Variants in SLC24A2 observed in about 807,000 individuals in gnomAD.
SLC24A2 encodes solute carrier family 24 member 2, also known as sodium/potassium/calcium exchanger 2.
In SLC24A2, 36 loss-of-function variants were observed where a neutral mutation model predicts 62.0. That is an observed-to-expected ratio of 0.58 (90% CI 0.44 to 0.77). The LOEUF is 0.77. Ranked by LOEUF, SLC24A2 falls within the 30% of genes least tolerant of loss-of-function variation. The pLI, the probability that SLC24A2 is intolerant of heterozygous loss-of-function variation, is 0.00. For missense variants in SLC24A2, 846 were observed against 817.9 expected, an observed-to-expected ratio of 1.03 and a Z score of -0.42; for synonymous variants, 358 against 294.0, an observed-to-expected ratio of 1.22 and a Z score of -2.23.
chr9:19,797,593 A>C, the SLC24A2 span, among the ~76,000 whole-genome samples: 1 of 152,214 alleles, frequency 6.6e-6, no homozygotes, highest in African/African-American at 2.4e-5. Flanking sequence ...AATTTCTCTT[A>C]GGCTGATCAA....
intron 2 of SLC24A2, among the ~76,000 whole-genome samples, chr9:19,718,558 G>A (rs1006410466): frequency 4.1e-5 from 6 of 147,918 alleles, no homozygotes; most frequent in Non-Finnish European, 7.4e-5. Context: ...CAATTGGCCC[G>A]CCTTGGCCTC....
chr9:20,278,734 C>A, the SLC24A2 span, among the ~76,000 whole-genome samples: 1 of 152,302 alleles, frequency 6.6e-6, no homozygotes, highest in East Asian at 1.9e-4. Context: ...CTCACATTTT[C>A]CTATCTTCTG....
intron 2 of SLC24A2, among the ~76,000 whole-genome samples, chr9:19,780,367 A>C (rs1408059950): frequency 1.3e-5 from 2 of 150,908 alleles, no homozygotes; most frequent in East Asian, 4.1e-4. Context: ...GCCCGGGTTC[A>C]AGCAATTCTT....
chr9:20,295,020 G>T, the SLC24A2 span, among the ~76,000 whole-genome samples: 1 of 148,430 alleles, frequency 6.7e-6, no homozygotes, highest in Non-Finnish European at 1.5e-5. Context: ...CTGTATCTGT[G>T]CATATGTGTA....
At chr9:20,028,977 C>T in the SLC24A2 span, among the ~76,000 whole-genome samples, 8 of 152,184 alleles carry the variant, frequency 5.3e-5, no homozygotes, top group African/African-American at 1.9e-4. Flanking sequence ...AATCACCAAG[C>T]GACAGTCCTG....
At chr9:20,085,813 A>G in the SLC24A2 span, among the ~76,000 whole-genome samples, 1 of 152,240 alleles carries the variant, frequency 6.6e-6, no homozygotes, top group Non-Finnish European at 1.5e-5. Context: ...ACATCAAACA[A>G]TGCTCATTAG....
chr9:19,744,318 G>A (rs917090968), intron 2 of SLC24A2, among the ~76,000 whole-genome samples: 2 of 152,008 alleles, frequency 1.3e-5, no homozygotes, highest in Non-Finnish European at 2.9e-5. Flanking sequence ...GCCACCTCTC[G>A]CACTGTGTGC....
At chr9:20,024,463 G>C in the SLC24A2 span, among the ~76,000 whole-genome samples, 12 of 152,160 alleles carry the variant, frequency 7.9e-5, no homozygotes, top group African/African-American at 2.9e-4. Context: ...CAGCAAGTAG[G>C]TTACTACCGA....
At chr9:20,299,038 G>A in the SLC24A2 span, among the ~76,000 whole-genome samples, 3 of 152,178 alleles carry the variant, frequency 2.0e-5, no homozygotes, top group Non-Finnish European at 2.9e-5. Context: ...GTCCCATAGA[G>A]TCATTCCCCA....
At chr9:19,723,945 T>A (rs1227088671) in intron 2 of SLC24A2, among the ~76,000 whole-genome samples, 1 of 152,158 alleles carries the variant, frequency 6.6e-6, no homozygotes, top group Non-Finnish European at 1.5e-5. Context: ...TACTATTTTT[T>A]ATTAAAATTT....
chr9:19,727,646 T>A (rs1405331917), intron 2 of SLC24A2, among the ~76,000 whole-genome samples: 1 of 152,230 alleles, frequency 6.6e-6, no homozygotes, highest in East Asian at 1.9e-4. Flanking sequence ...TTTCTCCAAT[T>A]ATTTTTTAGG....
chr9:19,713,766 T>C (rs979628706), intron 2 of SLC24A2, among the ~76,000 whole-genome samples: 2 of 152,184 alleles, frequency 1.3e-5, no homozygotes, highest in African/African-American at 4.8e-5. Context: ...CCTTACTTAC[T>C]GGTAAGATTG....
the SLC24A2 span, among the ~76,000 whole-genome samples, chr9:20,096,391 C>A: frequency 2.0e-5 from 3 of 152,128 alleles, no homozygotes; most frequent in Admixed American, 2.0e-4. Context: ...TATAGGGACA[C>A]TAATTATCCA....
At chr9:20,105,633 A>T in the SLC24A2 span, among the ~76,000 whole-genome samples, 3 of 152,014 alleles carry the variant, frequency 2.0e-5, no homozygotes. Context: ...AGAAATAAAG[A>T]TGTTCTTTGA....
the SLC24A2 span, among the ~76,000 whole-genome samples, chr9:20,134,370 CA>C: frequency 6.6e-6 from 1 of 151,974 alleles, no homozygotes. Flanking sequence ...ACAAAAACAA[CA>C]ATAACAAAAG....
the SLC24A2 span, among the ~76,000 whole-genome samples, chr9:19,858,488 C>G: frequency 1.3e-5 from 2 of 152,180 alleles, no homozygotes; most frequent in African/African-American, 4.8e-5. Context: ...GCAACAAAAA[C>G]AAAATTGGCA....
At chr9:19,640,911 G>T (rs1344236295) in intron 2 of SLC24A2, among the ~76,000 whole-genome samples, 2 of 152,140 alleles carry the variant, frequency 1.3e-5, no homozygotes, top group Non-Finnish European at 2.9e-5. Flanking sequence ...CCAGCCCTGG[G>T]TGTTATCTTC....
chr9:20,167,906 G>A, the SLC24A2 span, among the ~76,000 whole-genome samples: 3 of 149,612 alleles, frequency 2.0e-5, no homozygotes, highest in African/African-American at 4.9e-5. Flanking sequence ...TTTTATATTC[G>A]ACTGCTGGCA....
chr9:19,641,248 G>A (rs1039034399), intron 2 of SLC24A2, among the ~76,000 whole-genome samples: 1 of 152,198 alleles, frequency 6.6e-6, no homozygotes, highest in African/African-American at 2.4e-5. Flanking sequence ...TGGGAACTCT[G>A]CCCTCTTGTG....
Sources: gnomAD v4.1 joint callset for allele counts (sites outside exome capture counted in the v4.1 genomes callset) on GRCh38, gnomAD v4.1.1 for gene constraint, MANE v1.5 for transcripts, NCBI Gene and HGNC (gene_info 2026-07-23, HGNC 2026-07-21) for gene names.